The following ATP8A1 variants were observed in gnomAD, a reference collection of about 807,000 sequenced individuals.
ATP8A1 encodes the protein phospholipid-transporting ATPase IA.
ATP8A1 carries 90 observed loss-of-function variants against 177.7 expected under a neutral mutation model. The observed-to-expected ratio is 0.51, with a 90% CI of 0.43 to 0.60. ATP8A1 has a LOEUF of 0.60. Among genes scored for constraint, ATP8A1 ranks in the 20% least tolerant of loss-of-function variants. The pLI, the probability that ATP8A1 is intolerant of heterozygous loss-of-function variation, is 0.00. For synonymous variants in ATP8A1, 493 were observed against 485.9 expected, an observed-to-expected ratio of 1.01 and a Z score of -0.19; for missense variants, 1,072 against 1,392.8, an observed-to-expected ratio of 0.77 and a Z score of 3.67.
intron 1 of ATP8A1, among the ~76,000 whole-genome samples, chr4:42,638,876 G>A (rs151050393): frequency 9.8e-4 from 149 of 152,218 alleles, no homozygotes; most frequent in African/African-American, 3.4e-3. Flanking sequence ...CTCTAAAAAT[G>A]CACAGGAAAC....
chr4:42,635,810 T>TATATATAC (rs1305090729), intron 1 of ATP8A1, among the ~76,000 whole-genome samples: 83 of 103,888 alleles, frequency 8.0e-4, no homozygotes, highest in African/African-American at 3.9e-3. Flanking sequence ...TATATATATA[T>TATATATAC]ACACATGTAT....
At chr4:42,634,411 A>G (rs1739066928) in intron 1 of ATP8A1, among the ~76,000 whole-genome samples, 1 of 152,236 alleles carries the variant, frequency 6.6e-6, no homozygotes, top group South Asian at 2.1e-4. Flanking sequence ...CCATTACTTT[A>G]TTGTAGGATT....
chr4:42,426,559 G>A (rs1170888452), intron 33 of ATP8A1, among the ~76,000 whole-genome samples: 12 of 152,184 alleles, frequency 7.9e-5, no homozygotes, highest in Admixed American at 7.9e-4. Flanking sequence ...TTCCTCAGCT[G>A]TACAGTGGAT....
chr4:42,598,832 CT>C (rs1157287811), intron 6 of ATP8A1, among the ~76,000 whole-genome samples: 1 of 152,140 alleles, frequency 6.6e-6, no homozygotes, highest in East Asian at 1.9e-4. Flanking sequence ...GATTTCATCA[CT>C]GAACCAACTT....
intron 31 of ATP8A1, among the ~76,000 whole-genome samples, 174 bp from the exon 32 acceptor site, chr4:42,444,808 G>A (rs1717030345): frequency 6.6e-6 from 1 of 152,162 alleles, no homozygotes; most frequent in Admixed American, 6.5e-5. Flanking sequence ...GGCAGCTGAC[G>A]GGACTGTGAT....
At chr4:42,631,983 G>A (rs1161025904) in intron 1 of ATP8A1, among the ~76,000 whole-genome samples, 1 of 152,182 alleles carries the variant, frequency 6.6e-6, no homozygotes, top group East Asian at 1.9e-4. Context: ...GATTCTCCAA[G>A]AGACTAACTC....
At chr4:42,416,035 C>T (rs1400628166) in intron 35 of ATP8A1, among the ~76,000 whole-genome samples, 1 of 152,148 alleles carries the variant, frequency 6.6e-6, no homozygotes, top group Non-Finnish European at 1.5e-5. Flanking sequence ...ATCTAAAACT[C>T]CAGCAGTTCT....
rs1390648138 is a variant in ATP8A1, at chr4:42,509,509, G to A, written c.1948-2355C>T. On this transcript the variant is annotated intron_variant, in intron 22 of 36. Coordinates refer to ENST00000381668, the MANE Select transcript of ATP8A1 (RefSeq NM_006095.2). ...TATGTCTAAGTAGATACACACACAT[G>A]TCCCCCACTGCCTTGCCTGGTGAAA... 3.9e-5 allele frequency among the ~76,000 whole-genome samples: 6 copies of A among 152,166 alleles called. No homozygotes were observed. The East Asian group carries it at 1.2e-3, about 29-fold the overall frequency.
intron 18 of ATP8A1, 60 bp from the exon 19 acceptor site, chr4:42,549,122 A>T: frequency 7.3e-7 from 1 of 1,360,680 alleles, no homozygotes; most frequent in Non-Finnish European, 1.0e-6. Flanking sequence ...CTTCTAGGAA[A>T]TAAATCCTAG....
chr4:42,647,524 C>T (rs555220802), intron 1 of ATP8A1, among the ~76,000 whole-genome samples: 1 of 151,104 alleles, frequency 6.6e-6, no homozygotes, highest in Non-Finnish European at 1.5e-5. Flanking sequence ...GGGCCAAAGA[C>T]AATTTATATT....
rs1021708987 is a variant in ATP8A1, at chr4:42,635,878, T to C, written c.50-8769A>G. Among the ~76,000 whole-genome samples the C allele has an allele frequency of 2.7e-5, 4 of 146,800 alleles. No individual in the cohort carries two copies. In the East Asian group the frequency reaches 8.0e-4, roughly 29 times the overall value. ...AGCTCCTGGAAGCACATGAAAAGCT[T>C]ACAGAAAGGTTGAGGAAGATCTAAG... On this transcript the variant is annotated intron_variant, in intron 1 of 36. Coordinates refer to ENST00000381668, the MANE Select transcript of ATP8A1 (RefSeq NM_006095.2).
At chr4:42,538,417 T>C (rs1728053600) in intron 20 of ATP8A1, among the ~76,000 whole-genome samples, 1 of 151,996 alleles carries the variant, frequency 6.6e-6, no homozygotes, top group Non-Finnish European at 1.5e-5. Context: ...GATAAATAGA[T>C]GGGACTTAAA....
chr4:42,475,018 A>G (rs1380560741), intron 25 of ATP8A1, among the ~76,000 whole-genome samples: 2 of 152,356 alleles, frequency 1.3e-5, no homozygotes, highest in African/African-American at 4.8e-5. Flanking sequence ...CACCCAACAC[A>G]TTGAATTCTC....
chr4:42,555,459 C>A (rs920389530), intron 16 of ATP8A1, among the ~76,000 whole-genome samples: 1 of 151,792 alleles, frequency 6.6e-6, no homozygotes, highest in African/African-American at 2.4e-5. Flanking sequence ...ATATTAAAAT[C>A]AAATTAATAA....
chr4:42,476,773 C>A (rs1479244104), intron 25 of ATP8A1, among the ~76,000 whole-genome samples: 3 of 152,030 alleles, frequency 2.0e-5, no homozygotes, highest in African/African-American at 4.8e-5. Flanking sequence ...AAGAAGGGAG[C>A]CAGCCTAGAA....
intron 1 of ATP8A1, among the ~76,000 whole-genome samples, chr4:42,643,374 T>C (rs568407959): frequency 6.6e-6 from 1 of 152,330 alleles, no homozygotes; most frequent in South Asian, 2.1e-4. Flanking sequence ...ACATGGGACT[T>C]TCTCACTCCT....
intron 9 of ATP8A1, among the ~76,000 whole-genome samples, chr4:42,583,154 C>T (rs1382482752): frequency 7.6e-6 from 1 of 131,428 alleles, no homozygotes; most frequent in Non-Finnish European, 1.6e-5. Context: ...GCAGCTTGGG[C>T]CTTGGACATT....
At chr4:42,474,756 C>T (rs1272185413) in intron 25 of ATP8A1, among the ~76,000 whole-genome samples, 2 of 152,094 alleles carry the variant, frequency 1.3e-5, no homozygotes, top group Admixed American at 6.5e-5. Flanking sequence ...TCCAAATTTA[C>T]CTAATCAGGA....
intron 33 of ATP8A1, 139 bp from the exon 34 acceptor site, chr4:42,423,844 T>C (rs962981362): frequency 1.4e-5 from 7 of 490,566 alleles, no homozygotes; most frequent in Admixed American, 7.7e-5. Context: ...TTCGAACTTA[T>C]GAAATTAACT....
Sources: allele counts gnomAD v4.1 joint callset (sites outside exome capture counted in the v4.1 genomes callset), GRCh38; gene constraint gnomAD v4.1.1; transcripts MANE v1.5; gene names NCBI Gene and HGNC (gene_info 2026-07-23, HGNC 2026-07-21).